SOS1: variants seen among roughly 807,000 people sequenced by gnomAD.
SOS1 encodes son of sevenless homolog 1.
In SOS1, 25 loss-of-function variants were observed where a neutral mutation model predicts 157.6. The observed-to-expected ratio is 0.16, with a 90% CI of 0.12 to 0.22. The LOEUF (loss-of-function observed/expected upper bound fraction) is 0.22, where lower values mean the gene tolerates loss of function less well. Ranked by LOEUF, SOS1 falls within the 10% of genes least tolerant of loss-of-function variation. The probability of loss-of-function intolerance (pLI) is 1.00; values close to 1 mark genes in which losing one functional copy is unlikely to be tolerated. For missense variants in SOS1, 1,237 were observed against 1,599.1 expected, an observed-to-expected ratio of 0.77 and a Z score of 3.86; for synonymous variants, 528 against 534.0, an observed-to-expected ratio of 0.99 and a Z score of 0.16.
At chr2:39,081,388 T>C (rs933474077) in intron 1 of SOS1, among the ~76,000 whole-genome samples, 1 of 148,442 alleles carries the variant, frequency 6.7e-6, no homozygotes, top group Admixed American at 6.7e-5. Flanking sequence ...GCCATGGCAA[T>C]GTGCAGCTGT....
chr2:39,119,813 G>A (rs1673797237), intron 1 of SOS1, among the ~76,000 whole-genome samples: 1 of 152,210 alleles, frequency 6.6e-6, no homozygotes, highest in Non-Finnish European at 1.5e-5. Context: ...TTAATCGGAG[G>A]AGCGGGGGAA....
chr2:39,104,490 A>C (rs536506568), intron 1 of SOS1, among the ~76,000 whole-genome samples: 3 of 152,334 alleles, frequency 2.0e-5, no homozygotes, highest in African/African-American at 7.2e-5. Flanking sequence ...AGAAATTGAC[A>C]TGTGTACATT....
In SOS1 at chr2:39,013,503, T is replaced by C; in HGVS notation, c.2124A>G (p.Ala708=). ...EHHFYDFERD[A]YLLQRMEEFI... is the part of the protein sequence containing the mutation. The stretch of plus-strand genomic sequence containing the variant: ...ATTCTTCCATTCGTTGCAAAAGATA[T>C]GCATCTCTTTCAAAATCATAGAAGT... Residue 708 remains alanine (A), a synonymous_variant, in exon 13 of 23, where the codon GCA becomes GCG. Transcript: ENST00000402219. 5 of 1,612,750 alleles carry C rather than the reference T, an allele frequency of 3.1e-6. No individual in the cohort carries two copies. The highest frequency in any genetic ancestry group is 2.2e-5 in the South Asian group (2 of 91,054).
intron 1 of SOS1, among the ~76,000 whole-genome samples, chr2:39,114,215 C>G (rs1469956035): frequency 2.0e-5 from 3 of 152,170 alleles, no homozygotes; most frequent in Admixed American, 6.5e-5. Context: ...CCCACCTCAG[C>G]CTCCTGAGTA....
upstream of SOS1, among the ~76,000 whole-genome samples, chr2:39,123,663 C>G (rs1353722428): frequency 6.6e-6 from 1 of 152,114 alleles, no homozygotes; most frequent in African/African-American, 2.4e-5. Flanking sequence ...CGGCCGAGAT[C>G]AACAATCTTG....
chr2:39,110,066 G>GTC (rs1303141509), intron 1 of SOS1, among the ~76,000 whole-genome samples: 2 of 151,260 alleles, frequency 1.3e-5, no homozygotes, highest in Admixed American at 6.6e-5. Context: ...GTGTGTGTGT[G>GTC]TGTGTGTGTG....
At chr2:39,051,504 A>G in intron 5 of SOS1, 1 of 518,888 alleles carries the variant, frequency 1.9e-6, no homozygotes, top group Non-Finnish European at 3.5e-6. Flanking sequence ...GTGGTCTTGT[A>G]ACTTTCTGGT....
chr2:39,062,227 G>A (rs1405033844), intron 2 of SOS1, among the ~76,000 whole-genome samples: 2 of 151,724 alleles, frequency 1.3e-5, no homozygotes, highest in African/African-American at 4.8e-5. Flanking sequence ...AGACCAGCCT[G>A]GCCAATACAG....
intron 1 of SOS1, among the ~76,000 whole-genome samples, chr2:39,101,610 C>T (rs918004254): frequency 6.6e-6 from 1 of 151,776 alleles, no homozygotes; most frequent in African/African-American, 2.4e-5. Flanking sequence ...GACAAAGCAA[C>T]ATTTATATTA....
At position 39,120,663 on chromosome 2, in the gene SOS1, C is replaced by T. The variant is rs1207644830; in HGVS notation, c.-241G>A. ...AACGGACGCGGCCCGGAGGCGGCGG[C>T]ATCCCGCACCACCGCCCCGGGGCCA... is the stretch of plus-strand genomic sequence containing the variant. On this transcript the variant is annotated 5_prime_UTR_variant, in exon 1 of 23. It removes an upstream start codon present in the reference 5' UTR. Transcript: ENST00000402219. Among the ~76,000 whole-genome samples the T allele has an allele frequency of 6.8e-6, 1 of 146,996 alleles. No individual in the cohort carries two copies. Among genetic ancestry groups the T allele is most frequent in the East Asian group, 2.0e-4 (1 of 5,112 alleles).
chr2:39,003,643 A>C (rs1255579361), intron 17 of SOS1, among the ~76,000 whole-genome samples: 1 of 152,244 alleles, frequency 6.6e-6, no homozygotes, highest in East Asian at 1.9e-4. Context: ...GGGAAATGCT[A>C]AATATAATAA....
chr2:39,039,758 C>G (rs1010801396), intron 6 of SOS1, among the ~76,000 whole-genome samples: 1 of 152,138 alleles, frequency 6.6e-6, no homozygotes, highest in African/African-American at 2.4e-5. Flanking sequence ...CCATCATAAT[C>G]TATTTTGGAA....
chr2:39,049,348 C>T, intron 6 of SOS1, among the ~76,000 whole-genome samples: 2 of 152,284 alleles, frequency 1.3e-5, no homozygotes, highest in South Asian at 4.1e-4. Context: ...AAATGTTATA[C>T]TACATGAGTT....
chr2:39,003,244 C>T (rs185232187), intron 17 of SOS1, among the ~76,000 whole-genome samples: 94 of 151,306 alleles, frequency 6.2e-4, no homozygotes, highest in African/African-American at 2.0e-3. Context: ...TTACAAATAG[C>T]GGTAATTAAA....
At chr2:38,989,214 G>A (rs1488318571) in intron 21 of SOS1, 56 bp downstream of exon 21, 2 of 1,208,278 alleles carry the variant, frequency 1.7e-6, no homozygotes, top group Non-Finnish European at 2.5e-6. Flanking sequence ...GGTTACACTT[G>A]GTTTGATTTT....
intron 1 of SOS1, among the ~76,000 whole-genome samples, chr2:39,104,678 C>A (rs939864646): frequency 6.6e-6 from 1 of 152,146 alleles, no homozygotes; most frequent in Non-Finnish European, 1.5e-5. Flanking sequence ...ACTGCAGTAT[C>A]CAGTTTAGCC....
chr2:38,989,113 T>C (rs1668640820), intron 21 of SOS1, among the ~76,000 whole-genome samples, 157 bp downstream of exon 21: 1 of 152,136 alleles, frequency 6.6e-6, no homozygotes, highest in Admixed American at 6.6e-5. Context: ...TCACTTATGA[T>C]CTAAAGATAG....
At chr2:38,991,493 C>T (rs1240723490) in intron 20 of SOS1, among the ~76,000 whole-genome samples, 2 of 152,142 alleles carry the variant, frequency 1.3e-5, no homozygotes, top group African/African-American at 4.8e-5. Context: ...TCATTTTCTC[C>T]TCTCTATTAT....
At chr2:39,021,276 T>C (rs1333938887) in intron 10 of SOS1, among the ~76,000 whole-genome samples, 1 of 151,586 alleles carries the variant, frequency 6.6e-6, no homozygotes. Context: ...TGCTTTAAAG[T>C]GTCCTCATTT....
Sources: allele counts gnomAD v4.1 joint callset (sites outside exome capture counted in the v4.1 genomes callset), GRCh38; gene constraint gnomAD v4.1.1; transcripts MANE v1.5; gene names NCBI Gene and HGNC (gene_info 2026-07-23, HGNC 2026-07-21).